Variants in PDS5A observed in about 807,000 individuals in gnomAD.
PDS5A encodes the protein PDS5 cohesin associated factor A, also known as sister chromatid cohesion protein PDS5 homolog A.
In PDS5A, 42 loss-of-function variants were observed where a neutral mutation model predicts 167.1. That is an observed-to-expected ratio of 0.25 (90% CI 0.20 to 0.33). The LOEUF (loss-of-function observed/expected upper bound fraction) is 0.33. PDS5A is among the 10% of genes least tolerant of loss of function. The pLI, the probability that PDS5A is intolerant of heterozygous loss-of-function variation, is 1.00. For missense variants in PDS5A, 1,033 were observed against 1,605.9 expected (o/e 0.64, Z 6.10); for synonymous variants, 553 against 554.6 (o/e 1.00, Z 0.04).
At chr4:39,908,346 A>G (rs748891581) in intron 11 of PDS5A, 49 bp downstream of exon 11, 2 of 1,369,582 alleles carry the variant, frequency 1.5e-6, no homozygotes, top group South Asian at 1.2e-5. Context: ...AATTGTATTT[A>G]GCAATTTAAA....
chr4:39,829,432 C>T (rs1238835503), intron 32 of PDS5A, among the ~76,000 whole-genome samples: 8 of 152,032 alleles, frequency 5.3e-5, no homozygotes, highest in Admixed American at 1.3e-4. Context: ...GGGTGGATCA[C>T]GAGGTCAGGA....
chr4:39,853,468 C>A (rs988033915), intron 26 of PDS5A, among the ~76,000 whole-genome samples: 2 of 152,170 alleles, frequency 1.3e-5, no homozygotes, highest in Non-Finnish European at 2.9e-5. Context: ...TGTTTCCAAT[C>A]TTTACTCTAC....
chr4:39,906,597 A>T (rs1183545179), intron 11 of PDS5A, among the ~76,000 whole-genome samples: 3 of 151,656 alleles, frequency 2.0e-5, no homozygotes, highest in Non-Finnish European at 4.4e-5. Flanking sequence ...AGTAAAAAAA[A>T]ATCTGTGTAT....
intron 28 of PDS5A, chr4:39,848,638 C>A: frequency 4.3e-6 from 2 of 462,126 alleles, no homozygotes; most frequent in South Asian, 2.9e-5. Context: ...CTAGAAATTC[C>A]TAGAATAAAC....
At chr4:39,900,193 A>G (rs1374414541) in intron 14 of PDS5A, among the ~76,000 whole-genome samples, 2 of 152,188 alleles carry the variant, frequency 1.3e-5, no homozygotes, top group Non-Finnish European at 2.9e-5. Flanking sequence ...TTAGTGTCTG[A>G]AAACTTTATA....
intron 9 of PDS5A, 141 bp downstream of exon 9, chr4:39,913,470 C>A: frequency 1.8e-6 from 1 of 565,514 alleles, no homozygotes; most frequent in South Asian, 2.6e-5. Context: ...CAATTTATTC[C>A]ATAAGAAGGA....
chr4:39,856,074 A>C (rs1376047798), intron 26 of PDS5A, among the ~76,000 whole-genome samples: 1 of 152,186 alleles, frequency 6.6e-6, no homozygotes, highest in Non-Finnish European at 1.5e-5. Flanking sequence ...TAAAGGATAA[A>C]GGTCTCTTGA....
intron 2 of PDS5A, chr4:39,933,049 T>G (rs1166712552): frequency 1.3e-5 from 2 of 151,986 alleles, no homozygotes; most frequent in Non-Finnish European, 2.9e-5. Flanking sequence ...GTGCCTGTAG[T>G]CCCAGCTACT....
Position 39,824,449 on chromosome 4 carries a change from CAT to C in PDS5A, c.*1034_*1035del, listed in dbSNP as rs1284284558. On this transcript the variant is annotated 3_prime_UTR_variant, in exon 33 of 33. Coordinates refer to ENST00000303538, the MANE Select transcript of PDS5A (RefSeq NM_001100399.2). ...TGATGCAACAGTTTTCTAAAATAAACATAAAAATGAGCCCAGACCATCAGACA... is the reference window on the plus strand; with the variant it reads ...TGATGCAACAGTTTTCTAAAATAAACAAAAATGAGCCCAGACCATCAGACA... 1 of 152,250 alleles carries C rather than the reference CAT, an allele frequency of 6.6e-6. No homozygotes were observed. Among genetic ancestry groups the C allele is most frequent in the African/African-American group, 2.4e-5 (1 of 41,424 alleles). 9.4% of individuals were successfully genotyped at this position (152,250 alleles called of 1,614,324 possible).
rs563638933 is a variant in PDS5A, at chr4:39,977,559, C to CCCGCCG, written c.-149_-144dup. On this transcript the variant is annotated 5_prime_UTR_variant, in exon 1 of 33. Transcript: ENST00000303538. The surrounding 1 kb of genome is among the most constrained non-coding windows in gnomAD (Gnocchi z 4.2). The stretch of plus-strand genomic sequence containing the variant: ...CTGCACACAAAGCGGCTCCGCGGGT[C>CCCGCCG]CCGCCGCCGCCGCCGCCGCCGCCCG... The CCCGCCG allele has an allele frequency of 0.011, 1,714 of 159,800 alleles. 14 individuals are homozygous for CCCGCCG. Among genetic ancestry groups the CCCGCCG allele is most frequent in the Non-Finnish European group, 0.016 (1,174 of 75,270 alleles). 9.9% of individuals were successfully genotyped at this position (159,800 alleles called of 1,614,324 possible).
chr4:39,917,053 G>T lies in PDS5A; in HGVS notation c.871C>A (p.Leu291Ile). 1.3e-6 allele frequency: 2 copies of T among 1,483,396 alleles called. No homozygotes were observed. The highest frequency in any genetic ancestry group is 1.8e-6 in the Non-Finnish European group (2 of 1,119,662). The allele number at this position is 1,483,396 out of a possible 1,614,324, so 91.9% of individuals were successfully genotyped here. ...AGAAAACTGGTCAATCTTACCTTTA[G>T]TTTGAATTCAAGCTGTGGCATGACG... is the stretch of plus-strand genomic sequence containing the variant. ...LSVMPQLEFK[L>I]KSNDGEERLA... Residue 291 changes from leucine (L) to isoleucine (I), a missense_variant, in exon 8 of 33, where the codon CTA (leucine) becomes ATA (isoleucine). Transcript: ENST00000303538.
At chr4:39,943,959 C>T (rs1013318852) in intron 2 of PDS5A, among the ~76,000 whole-genome samples, 1 of 151,808 alleles carries the variant, frequency 6.6e-6, no homozygotes. Flanking sequence ...AGGTGGATCA[C>T]GAGGTCAGGA....
intron 17 of PDS5A, among the ~76,000 whole-genome samples, chr4:39,885,246 T>TA (rs34192127): frequency 0.19 from 20,917 of 110,156 alleles, 1,851 homozygotes; most frequent in African/African-American, 0.24. Flanking sequence ...GATTCCTTCT[T>TA]AAAAAAAAAA....
At chr4:39,973,793 C>A in intron 2 of PDS5A, 1 of 1,249,640 alleles carries the variant, frequency 8.0e-7, no homozygotes, top group Non-Finnish European at 1.2e-6. Context: ...CCAGCACCTC[C>A]TTCAGGTTAC....
At chr4:39,954,245 A>G (rs1317087518) in intron 2 of PDS5A, among the ~76,000 whole-genome samples, 1 of 151,966 alleles carries the variant, frequency 6.6e-6, no homozygotes, top group Non-Finnish European at 1.5e-5. Flanking sequence ...CTGTAGTCCC[A>G]GTTACTTAGG....
chr4:39,964,389 G>A (rs976012780), intron 2 of PDS5A, among the ~76,000 whole-genome samples: 9 of 152,052 alleles, frequency 5.9e-5, no homozygotes, highest in Non-Finnish European at 1.3e-4. Context: ...ATACTGAAAG[G>A]GCCTGAAGAA....
intron 23 of PDS5A, among the ~76,000 whole-genome samples, chr4:39,865,973 A>G (rs1719410945): frequency 6.6e-6 from 1 of 152,250 alleles, no homozygotes; most frequent in African/African-American, 2.4e-5. Flanking sequence ...TTAAAATGAG[A>G]TGGCAATTTT....
At chr4:39,927,393 C>T (rs764776822) in intron 3 of PDS5A, among the ~76,000 whole-genome samples, 2 of 152,124 alleles carry the variant, frequency 1.3e-5, no homozygotes, top group Non-Finnish European at 2.9e-5. Context: ...TTTTAACTCA[C>T]AGTAGTATCA....
At chr4:39,961,619 A>G (rs1729487285) in intron 2 of PDS5A, among the ~76,000 whole-genome samples, 1 of 152,086 alleles carries the variant, frequency 6.6e-6, no homozygotes, top group Non-Finnish European at 1.5e-5. Context: ...GTCTGGAACT[A>G]CAGAGCTCAA....
Sources: gnomAD v4.1 joint callset for allele counts (sites outside exome capture counted in the v4.1 genomes callset) on GRCh38, gnomAD v4.1.1 for gene constraint, Gnocchi (gnomAD v3.1) non-coding constraint, MANE v1.5 for transcripts, NCBI Gene and HGNC (gene_info 2026-07-23, HGNC 2026-07-21) for gene names.